Variants in PEAK1 observed in about 807,000 individuals in gnomAD.
PEAK1 encodes inactive tyrosine-protein kinase PEAK1.
A neutral mutation model predicts 124.7 loss-of-function variants in PEAK1; 54 were observed. The observed-to-expected ratio is 0.43, with a 90% CI of 0.35 to 0.54. The LOEUF (loss-of-function observed/expected upper bound fraction) is 0.54. PEAK1 is among the 20% of genes least tolerant of loss of function. The pLI is 0.01. For synonymous variants in PEAK1, 719 were observed against 760.0 expected (o/e 0.95, Z 0.89); for missense variants, 2,046 against 2,134.5 (o/e 0.96, Z 0.82).
At chr15:77,419,587 A>C (rs2073195845) in intron 1 of PEAK1, 1 of 984,988 alleles carries the variant, frequency 1.0e-6, no homozygotes, top group Admixed American at 6.2e-5. Flanking sequence ...GGCAGGAGCC[A>C]GAGAAGCCCC....
At chr15:77,220,830 T>C (rs1199845099) in intron 6 of PEAK1, among the ~76,000 whole-genome samples, 2 of 152,050 alleles carry the variant, frequency 1.3e-5, no homozygotes, top group African/African-American at 4.8e-5. Context: ...TAGGAGAGAA[T>C]ATTATAGTTA....
rs975329766 is a variant in PEAK1, at chr15:77,403,534, G to A, written c.-666+16472C>T. 7 of 971,228 alleles carry A rather than the reference G, an allele frequency of 7.2e-6. No homozygotes were observed. The South Asian group carries it at 1.9e-4, about 26-fold the overall frequency. 60.2% of individuals were successfully genotyped at this position (971,228 alleles called of 1,614,324 possible). On this transcript the variant is annotated intron_variant, in intron 1 of 9. Coordinates refer to ENST00000682557, the MANE Select transcript of PEAK1 (RefSeq NM_001385026.1). ...AAGCACAGTAATAATAGCTTCCACTGGTAGCATATTTATTTAGAAAGTTCT... is the reference window on the plus strand; with the variant it reads ...AAGCACAGTAATAATAGCTTCCACTAGTAGCATATTTATTTAGAAAGTTCT...
Position 77,112,300 on chromosome 15 carries a change from T to A in PEAK1, c.*1856A>T, listed in dbSNP as rs17381898. On this transcript the variant is annotated 3_prime_UTR_variant, in exon 10 of 10. Transcript: ENST00000682557. ...TATTTTCCTTTCCTGATCCTCTTTG[T>A]TATACATGAATCACATGAAAAGCTG... 13,808 of 152,330 alleles carry A rather than the reference T, an allele frequency of 0.091. 693 individuals are homozygous for A. Among genetic ancestry groups the A allele is most frequent in the Admixed American group, 0.1 (1,586 of 15,308 alleles). 9.4% of individuals were successfully genotyped at this position (152,330 alleles called of 1,614,324 possible). A position where few individuals can be genotyped will look rare whatever the true frequency, so the allele number is the denominator to read the frequency against.
intron 6 of PEAK1, among the ~76,000 whole-genome samples, chr15:77,213,848 T>C (rs558415140): frequency 6.6e-6 from 1 of 152,322 alleles, no homozygotes; most frequent in Admixed American, 6.5e-5. Context: ...ATTATTTGTA[T>C]ACAATTGTAT....
chr15:77,394,866 G>C (rs1368710369), intron 1 of PEAK1, among the ~76,000 whole-genome samples: 1 of 152,116 alleles, frequency 6.6e-6, no homozygotes, highest in African/African-American at 2.4e-5. Flanking sequence ...ATTCAAAATA[G>C]CTGTTTCAAA....
At position 77,114,968 on chromosome 15, in the gene PEAK1, C is replaced by T. The variant is rs369173315; in HGVS notation, c.4429G>A (p.Asp1477Asn). ...CTTTTCCCATGCTGGGCCAGAGAGT[C>T]TCGCACAAAATCAGCCACAGTAAGA... ...PCLTVADFVR[D>N]SLAQHGKSPD... The change falls in exon 10 of 10, where the codon GAC becomes AAC. Residue 1477 changes from aspartate (D) to asparagine (N), a missense_variant. By Grantham distance (23) the Asp-to-Asn change is conservative. Coordinates refer to ENST00000682557, the MANE Select transcript of PEAK1 (RefSeq NM_001385026.1). The T allele has an allele frequency of 2.9e-5, 47 of 1,614,148 alleles. No homozygotes were observed. In the Admixed American group the frequency reaches 5.2e-4, roughly 18 times the overall value.
intron 6 of PEAK1, among the ~76,000 whole-genome samples, chr15:77,214,624 CAAAA>C (rs565610333): frequency 9.2e-6 from 1 of 108,882 alleles, no homozygotes. Flanking sequence ...ACTCTGTCTC[CAAAA>C]AAAAAAAAAA....
intron 5 of PEAK1, among the ~76,000 whole-genome samples, chr15:77,265,393 T>G (rs1335925504): frequency 6.6e-6 from 1 of 151,916 alleles, no homozygotes; most frequent in Non-Finnish European, 1.5e-5. Flanking sequence ...TAAAGTGAAC[T>G]CAAACAAATT....
At chr15:77,215,994 T>G (rs1210885732) in intron 6 of PEAK1, among the ~76,000 whole-genome samples, 1 of 152,220 alleles carries the variant, frequency 6.6e-6, no homozygotes, top group Non-Finnish European at 1.5e-5. Flanking sequence ...TCAAGTAATT[T>G]GTCTTCCAAC....
chr15:77,363,599 C>A (rs181215251), intron 2 of PEAK1, among the ~76,000 whole-genome samples: 1 of 152,226 alleles, frequency 6.6e-6, no homozygotes, highest in Non-Finnish European at 1.5e-5. Context: ...CAGGAGGGAG[C>A]CTGCACTTTC....
At chr15:77,346,127 A>G (rs2066861378) in intron 2 of PEAK1, 2 of 985,428 alleles carry the variant, frequency 2.0e-6, no homozygotes, top group East Asian at 1.1e-4. Flanking sequence ...TCAAAGCTAT[A>G]TTTTATAGAA....
chr15:77,168,240 C>T (rs905963055), intron 7 of PEAK1, among the ~76,000 whole-genome samples: 1 of 148,666 alleles, frequency 6.7e-6, no homozygotes, highest in African/African-American at 2.6e-5. Flanking sequence ...TGCGCGCGCA[C>T]ACACACACAC....
chr15:77,245,475 G>C (rs1029490402), intron 6 of PEAK1, among the ~76,000 whole-genome samples: 1 of 152,172 alleles, frequency 6.6e-6, no homozygotes, highest in African/African-American at 2.4e-5. Context: ...AAGGCAGGCG[G>C]ATTGCCTGAG....
At chr15:77,195,401 A>C (rs1482309577) in intron 6 of PEAK1, among the ~76,000 whole-genome samples, 1 of 152,080 alleles carries the variant, frequency 6.6e-6, no homozygotes, top group Non-Finnish European at 1.5e-5. Context: ...GAACAATAAC[A>C]AAAGATAAAA....
intron 2 of PEAK1, among the ~76,000 whole-genome samples, chr15:77,291,940 G>T (rs1279595025): frequency 2.1e-5 from 3 of 144,810 alleles, no homozygotes; most frequent in Admixed American, 7.1e-5. Context: ...TTGTGCCACT[G>T]CACTTCAGCC....
rs987423129 is a variant in PEAK1, at chr15:77,324,727, G to C, written c.-602-38223C>G. Among the ~76,000 whole-genome samples, 8 of 152,216 alleles carry C rather than the reference G, an allele frequency of 5.3e-5. No individual in the cohort carries two copies. In the East Asian group the frequency reaches 9.7e-4, roughly 18 times the overall value. ...AAAGCAGGAGCAAGAACGGATAGGA[G>C]GTGCCACACACTTTTAAATGACCAG... On this transcript the variant is annotated intron_variant, in intron 2 of 9. Transcript: ENST00000682557.
chr15:77,370,855 T>G (rs1321227839), intron 1 of PEAK1: 5 of 553,218 alleles, frequency 9.0e-6, no homozygotes, highest in Non-Finnish European at 1.1e-5. Flanking sequence ...AATGGTGAAA[T>G]CCCAACTCTA....
In PEAK1 at chr15:77,397,229, T is replaced by C. The variant is rs79146020; in HGVS notation, c.-666+22777A>G. Among the ~76,000 whole-genome samples the C allele has an allele frequency of 7.3e-3, 1,107 of 152,120 alleles. 15 individuals carry two copies. The highest frequency in any genetic ancestry group is 0.025 in the African/African-American group (1,051 of 41,494). ...AATGACCAGTGGGTCAATGAGGAAATCAAGAAAAAATTTAAAACTTCTTGA... is the reference window on the plus strand; with the variant it reads ...AATGACCAGTGGGTCAATGAGGAAACCAAGAAAAAATTTAAAACTTCTTGA... On this transcript the variant is annotated intron_variant, in intron 1 of 9. Coordinates refer to ENST00000682557, the MANE Select transcript of PEAK1 (RefSeq NM_001385026.1).
chr15:77,417,869 T>C (rs1399075739), intron 1 of PEAK1: 2 of 985,298 alleles, frequency 2.0e-6, no homozygotes, highest in Non-Finnish European at 2.4e-6. Context: ...GCAAATATGG[T>C]TGGCACTGCT....
Sources: allele counts gnomAD v4.1 joint callset (sites outside exome capture counted in the v4.1 genomes callset), GRCh38; gene constraint gnomAD v4.1.1; transcripts MANE v1.5; gene names NCBI Gene and HGNC (gene_info 2026-07-23, HGNC 2026-07-21).